Variants in ANK2 observed in about 807,000 individuals in gnomAD.
The protein encoded by ANK2 is ankyrin 2, also known as ankyrin-2.
ANK2 carries 83 observed loss-of-function variants against 360.5 expected under a neutral mutation model. The ratio of observed to expected loss-of-function variants is 0.23; its 90% confidence interval spans 0.19 to 0.28. The LOEUF (loss-of-function observed/expected upper bound fraction) is 0.28, where lower values mean the gene tolerates loss of function less well. Ranked by LOEUF, ANK2 falls within the 10% of genes least tolerant of loss-of-function variation. ANK2 has a pLI of 1.00. For synonymous variants in ANK2, 1,740 were observed against 1,759.5 expected (o/e 0.99, Z 0.28); for missense variants, 4,201 against 4,795.7 (o/e 0.88, Z 3.66).
chr4:112,996,195 A>G (rs895389968), intron 2 of ANK2, among the ~76,000 whole-genome samples: 1 of 152,212 alleles, frequency 6.6e-6, no homozygotes, highest in Non-Finnish European at 1.5e-5. Flanking sequence ...TCTGTGTTGT[A>G]TGAAAAATTT....
intron 4 of ANK2, among the ~76,000 whole-genome samples, chr4:113,210,383 A>G (rs1403535662): frequency 2.6e-5 from 4 of 152,248 alleles, no homozygotes; most frequent in African/African-American, 2.4e-5. Context: ...AAAAAGTTAT[A>G]ATAATTGACC....
At chr4:113,156,948 T>A (rs2097324887) in intron 1 of ANK2, among the ~76,000 whole-genome samples, 1 of 151,954 alleles carries the variant, frequency 6.6e-6, no homozygotes, top group South Asian at 2.1e-4. Flanking sequence ...TACATATATA[T>A]CCTTTTTAAG....
chr4:112,904,527 T>C, intron 2 of ANK2: 1 of 1,474,004 alleles, frequency 6.8e-7, no homozygotes, highest in African/African-American at 1.4e-5. Flanking sequence ...ACTTTTGGTA[T>C]TTTAAATATT....
At chr4:112,997,170 T>C (rs544736299) in intron 2 of ANK2, among the ~76,000 whole-genome samples, 3 of 152,216 alleles carry the variant, frequency 2.0e-5, no homozygotes, top group Non-Finnish European at 4.4e-5. Context: ...CAACCTGATA[T>C]TGTGAAATAT....
chr4:113,378,376 A>G (rs2097037103), intron 45 of ANK2, among the ~76,000 whole-genome samples: 2 of 152,222 alleles, frequency 1.3e-5, no homozygotes, highest in African/African-American at 4.8e-5. Flanking sequence ...TGATACTTCA[A>G]ACATAATACT....
intron 13 of ANK2, among the ~76,000 whole-genome samples, chr4:113,264,097 C>T (rs1056496150): frequency 2.0e-5 from 3 of 152,164 alleles, no homozygotes; most frequent in Non-Finnish European, 4.4e-5. Flanking sequence ...GTGGCTCTCT[C>T]AAATAACTGT....
At chr4:112,964,849 G>C (rs144213865) in intron 2 of ANK2, among the ~76,000 whole-genome samples, 2 of 152,106 alleles carry the variant, frequency 1.3e-5, no homozygotes, top group East Asian at 1.9e-4. Flanking sequence ...TATTACAGGC[G>C]TGAGCCACCG....
At chr4:112,781,953 C>T in the ANK2 span, among the ~76,000 whole-genome samples, 5 of 151,420 alleles carry the variant, frequency 3.3e-5, no homozygotes, top group East Asian at 9.7e-4. Context: ...CCTCTGCCTC[C>T]CGAGTAGCTG....
At chr4:113,348,166 T>G (rs944179980) in intron 35 of ANK2, 110 bp from the exon 36 acceptor site, 6 of 1,056,936 alleles carry the variant, frequency 5.7e-6, no homozygotes, top group Non-Finnish European at 7.3e-6. Flanking sequence ...TATGCTTGCC[T>G]GTTGATGCTT....
At chr4:112,760,234 T>G in the ANK2 span, among the ~76,000 whole-genome samples, 2 of 150,534 alleles carry the variant, frequency 1.3e-5, no homozygotes, top group Non-Finnish European at 3.0e-5. Flanking sequence ...TTGTCCGGGC[T>G]GGAGTTCAGT....
At chr4:112,732,569 G>A in the ANK2 span, among the ~76,000 whole-genome samples, 1 of 152,142 alleles carries the variant, frequency 6.6e-6, no homozygotes, top group East Asian at 1.9e-4. Flanking sequence ...TAGCAGTCAG[G>A]TTCTTGAGTT....
intron 1 of ANK2, among the ~76,000 whole-genome samples, chr4:113,150,562 A>G (rs1425459769): frequency 6.6e-6 from 1 of 152,182 alleles, no homozygotes; most frequent in African/African-American, 2.4e-5. Context: ...AGGACATGCA[A>G]ACTTGGCTTG....
At chr4:113,326,102 A>ATT (rs749695380) in intron 26 of ANK2, among the ~76,000 whole-genome samples, 6 of 151,978 alleles carry the variant, frequency 3.9e-5, no homozygotes, top group Admixed American at 3.3e-4. Flanking sequence ...AACCTTTCTC[A>ATT]TTTCCCTGTG....
In ANK2 at chr4:113,207,686, CAAAAA is replaced by C. The variant is rs34818513; in HGVS notation, c.384+8593_384+8597del. Among the ~76,000 whole-genome samples the C allele has an allele frequency of 1.8e-3, 179 of 101,618 alleles. 1 individual carries two copies. Among genetic ancestry groups the C allele is most frequent in the Non-Finnish European group, 1.8e-3 (89 of 49,668 alleles). 66.7% of individuals were successfully genotyped at this position (101,618 alleles called of 152,430 possible). A position where few individuals can be genotyped will look rare whatever the true frequency, so the allele number is the denominator to read the frequency against. Reference sequence around the variant, plus strand: ...ATCCTTTGAGGCAAGGATCACAAAGCAAAAAAAAAAAAAAAAAAAAGAAGAAGTAA... The same window carrying C: ...ATCCTTTGAGGCAAGGATCACAAAGCAAAAAAAAAAAAAAAGAAGAAGTAA... On this transcript the variant is annotated intron_variant, in intron 4 of 45. Coordinates refer to ENST00000357077, the MANE Select transcript of ANK2 (RefSeq NM_001148.6).
chr4:113,298,891 T>C (rs982381564), intron 22 of ANK2, among the ~76,000 whole-genome samples: 1 of 152,214 alleles, frequency 6.6e-6, no homozygotes, highest in African/African-American at 2.4e-5. Flanking sequence ...GGAAAATATG[T>C]ATTCATTTCT....
At chr4:112,713,602 G>A in the ANK2 span, among the ~76,000 whole-genome samples, 120 of 152,206 alleles carry the variant, frequency 7.9e-4, 9 homozygotes, top group South Asian at 0.018. Context: ...GATTTTTTGT[G>A]TGAAGCATGT....
At chr4:112,807,244 C>T in the ANK2 span, among the ~76,000 whole-genome samples, 7 of 152,172 alleles carry the variant, frequency 4.6e-5, no homozygotes, top group African/African-American at 1.4e-4. Flanking sequence ...TTTCCTATCA[C>T]GGTTGCTATT....
intron 2 of ANK2, among the ~76,000 whole-genome samples, chr4:113,026,071 G>C (rs1004408916): frequency 3.0e-4 from 46 of 152,098 alleles, no homozygotes; most frequent in African/African-American, 1.1e-3. Flanking sequence ...AAGCGTATAT[G>C]GTACATTTAT....
At chr4:113,055,061 C>T (rs1483305310) in intron 1 of ANK2, among the ~76,000 whole-genome samples, 2 of 152,038 alleles carry the variant, frequency 1.3e-5, no homozygotes, top group African/African-American at 4.8e-5. Context: ...GGATTTTTAA[C>T]AGGCTCCCAA....
Sources: allele counts gnomAD v4.1 joint callset (sites outside exome capture counted in the v4.1 genomes callset), GRCh38; gene constraint gnomAD v4.1.1; transcripts MANE v1.5; gene names NCBI Gene and HGNC (gene_info 2026-07-23, HGNC 2026-07-21).